The following LATS1 variants were observed in gnomAD, a reference collection of about 807,000 sequenced individuals.
LATS1 encodes the protein large tumor suppressor kinase 1.
LATS1 carries 25 observed loss-of-function variants against 106.6 expected under a neutral mutation model. That is an observed-to-expected ratio of 0.23 (90% CI 0.17 to 0.33). The LOEUF (loss-of-function observed/expected upper bound fraction) is 0.33, where lower values mean the gene tolerates loss of function less well. Among genes scored for constraint, LATS1 ranks in the 10% least tolerant of loss-of-function variants. The probability of loss-of-function intolerance (pLI) is 1.00; values close to 1 mark genes in which losing one functional copy is unlikely to be tolerated. For missense variants in LATS1, 1,040 were observed against 1,382.6 expected, an observed-to-expected ratio of 0.75 and a Z score of 3.93; for synonymous variants, 465 against 455.6, an observed-to-expected ratio of 1.02 and a Z score of -0.26.
chr6:149,716,723 G>A (rs898795684), intron 1 of LATS1, among the ~76,000 whole-genome samples: 3 of 152,196 alleles, frequency 2.0e-5, no homozygotes, highest in Non-Finnish European at 2.9e-5. Flanking sequence ...CATGGACCAT[G>A]ATCTAGTTTC....
At chr6:149,671,892 C>A (rs1394097751) in intron 7 of LATS1, among the ~76,000 whole-genome samples, 1 of 151,510 alleles carries the variant, frequency 6.6e-6, no homozygotes, top group African/African-American at 2.4e-5. Flanking sequence ...TCTATGATTT[C>A]TTTCTTTTTT....
rs1275577221 is a variant in LATS1, at chr6:149,678,162, TCCAAAAAAAAAAA to T, written c.2594-1438_2594-1426del. Among the ~76,000 whole-genome samples, 45 of 28,628 alleles carry T rather than the reference TCCAAAAAAAAAAA, an allele frequency of 1.6e-3. 2 individuals are homozygous for T. The highest frequency in any genetic ancestry group is 3.8e-3 in the South Asian group (3 of 782). 18.8% of individuals were successfully genotyped at this position (28,628 alleles called of 152,430 possible). ...GGTGAAACCTGGTCTCTACTAAAAA[TCCAAAAAAAAAAA>T]AAAAAAAAAAAAAAAAAAAATAGCC... On this transcript the variant is annotated intron_variant, in intron 5 of 7. Transcript: ENST00000543571.
intron 5 of LATS1, among the ~76,000 whole-genome samples, chr6:149,678,345 A>AAAACAAAC (rs10683825): frequency 1.7e-3 from 252 of 149,836 alleles, no homozygotes; most frequent in African/African-American, 4.9e-3. Context: ...CTCCGTCTCA[A>AAAACAAAC]AAACAAACAA....
chr6:149,710,777 G>A (rs994577479), intron 1 of LATS1, among the ~76,000 whole-genome samples: 5 of 152,184 alleles, frequency 3.3e-5, no homozygotes, highest in Admixed American at 3.3e-4. Flanking sequence ...ACCTTGTAGT[G>A]TTATAGGAGT....
chr6:149,662,046 A>G lies in LATS1; in HGVS notation c.3076T>C (p.Tyr1026His), dbSNP rs1452150800. Residue 1026 changes from tyrosine (Y) to histidine (H), a missense_variant, in exon 8 of 8, where the codon TAC becomes CAC. Transcript: ENST00000543571. ...GTTGGGTGTGTGATTTTAGGAATGT[A>G]TGAAGCAGACTGCTGTCTCAGGTCA... Reference protein sequence around the residue: ...SSDLRQQSASYIPKITHPTDT... With the variant: ...SSDLRQQSASHIPKITHPTDT... The G allele has an allele frequency of 1.2e-6, 2 of 1,614,194 alleles. No homozygotes were observed. The highest frequency in any genetic ancestry group is 2.2e-5 in the East Asian group (1 of 44,878).
rs1466744599 is a variant in LATS1 at position 149,683,562 on chromosome 6, C to T, written c.1527G>A (p.Gln509=). Reference sequence around the variant, plus strand: ...AAGGGTGTGTAGGTGCTAAAGCAGTCTGTAGCTCTGGTTTTAATACACGCA... The same window carrying T: ...AAGGGTGTGTAGGTGCTAAAGCAGTTTGTAGCTCTGGTTTTAATACACGCA... ...KSMRVLKPEL[Q]TALAPTHPSW... The change falls in exon 4 of 8, where the codon CAG becomes CAA. Residue 509 remains glutamine (Q), a synonymous_variant. Transcript: ENST00000543571. 1 of 1,614,238 alleles carries T rather than the reference C, an allele frequency of 6.2e-7. No homozygotes were observed. The highest frequency in any genetic ancestry group is 8.5e-7 in the Non-Finnish European group (1 of 1,180,046).
At chr6:149,664,019 TG>T (rs1404810208) in intron 7 of LATS1, among the ~76,000 whole-genome samples, 1 of 151,946 alleles carries the variant, frequency 6.6e-6, no homozygotes, top group African/African-American at 2.4e-5. Flanking sequence ...CATGTTGGCC[TG>T]GCTGGTTTCA....
chr6:149,674,920 T>C (rs1781633238), intron 7 of LATS1, among the ~76,000 whole-genome samples: 1 of 151,722 alleles, frequency 6.6e-6, no homozygotes, highest in South Asian at 2.1e-4. Flanking sequence ...AATAAAGTGC[T>C]GGGATTACAG....
intron 7 of LATS1, among the ~76,000 whole-genome samples, chr6:149,670,647 T>G (rs1781395545): frequency 6.6e-6 from 1 of 152,058 alleles, no homozygotes; most frequent in Non-Finnish European, 1.5e-5. Context: ...TGTTAGTGAT[T>G]CCCTGAGGGA....
chr6:149,672,732 G>A (rs1349524694), intron 7 of LATS1, among the ~76,000 whole-genome samples: 1 of 151,918 alleles, frequency 6.6e-6, no homozygotes, highest in African/African-American at 2.4e-5. Flanking sequence ...GACCACCTGA[G>A]GTCAGGAGTT....
intron 7 of LATS1, among the ~76,000 whole-genome samples, chr6:149,665,890 C>T (rs1272081315): frequency 1.3e-5 from 2 of 151,974 alleles, no homozygotes; most frequent in East Asian, 3.9e-4. Context: ...CGCTGTAATC[C>T]CAGCACTTTG....
At chr6:149,713,648 C>CT (rs905787139) in intron 1 of LATS1, among the ~76,000 whole-genome samples, 24 of 151,812 alleles carry the variant, frequency 1.6e-4, no homozygotes, top group Non-Finnish European at 5.9e-5. Context: ...AATGTTTTTT[C>CT]TTTTTTTCTG....
intron 3 of LATS1, among the ~76,000 whole-genome samples, chr6:149,692,206 CAG>C (rs1782800984): frequency 6.6e-6 from 1 of 152,180 alleles, no homozygotes; most frequent in Non-Finnish European, 1.5e-5. Context: ...AACAGTTCTG[CAG>C]AGTCAGGCCC....
chr6:149,661,646 G>C lies in LATS1; in HGVS notation c.*83C>G, dbSNP rs1780889676. 1 of 1,151,274 alleles carries C rather than the reference G, an allele frequency of 8.7e-7. No homozygotes were observed. The highest frequency in any genetic ancestry group is 1.2e-6 in the Non-Finnish European group (1 of 817,210). The allele number at this position is 1,151,274 out of a possible 1,614,324, so 71.3% of individuals were successfully genotyped here. A position where few individuals can be genotyped will look rare whatever the true frequency, so the allele number is the denominator to read the frequency against. On this transcript the variant is annotated 3_prime_UTR_variant, in exon 8 of 8. Coordinates refer to ENST00000543571, the MANE Select transcript of LATS1 (RefSeq NM_004690.4). Reference sequence around the variant, plus strand: ...ACACATATATAGCTCTGTCATATTTGCATAATTTTACTCTCAGAACCTCAA... The same window carrying C: ...ACACATATATAGCTCTGTCATATTTCCATAATTTTACTCTCAGAACCTCAA...
chr6:149,686,413 C>T (rs1271714459), intron 3 of LATS1, among the ~76,000 whole-genome samples: 2 of 152,062 alleles, frequency 1.3e-5, no homozygotes, highest in East Asian at 3.9e-4. Context: ...ATACAGTCAC[C>T]CCTGTTGTTC....
In LATS1 at chr6:149,702,223, G is replaced by A; in HGVS notation, c.-97C>T. ...AAAGTGAAAATGATCCTTCAAGGAA[G>A]TCCCCAGGACTGTTAAAATTCTTTA... On this transcript the variant is annotated 5_prime_UTR_variant, in exon 2 of 8. Coordinates refer to ENST00000543571, the MANE Select transcript of LATS1 (RefSeq NM_004690.4). 2 of 721,418 alleles carry A rather than the reference G, an allele frequency of 2.8e-6. No individual in the cohort carries two copies. Among genetic ancestry groups the A allele is most frequent in the South Asian group, 3.6e-5 (2 of 54,922 alleles). The allele number at this position is 721,418 out of a possible 1,614,324, so 44.7% of individuals were successfully genotyped here.
intron 7 of LATS1, among the ~76,000 whole-genome samples, chr6:149,669,402 G>C (rs1456809977): frequency 6.6e-6 from 1 of 151,916 alleles, no homozygotes; most frequent in Non-Finnish European, 1.5e-5. Context: ...CAAAGTGCTG[G>C]GATTACAGGT....
chr6:149,716,764 T>C (rs773902821), intron 1 of LATS1, among the ~76,000 whole-genome samples: 14 of 152,166 alleles, frequency 9.2e-5, no homozygotes, highest in Non-Finnish European at 1.6e-4. Flanking sequence ...ACTAACACAA[T>C]GCTACTTCTT....
intron 3 of LATS1, among the ~76,000 whole-genome samples, chr6:149,694,635 G>C (rs528623345): frequency 1.1e-4 from 17 of 152,130 alleles, no homozygotes; most frequent in African/African-American, 3.9e-4. Flanking sequence ...AACCTATTCT[G>C]GTTTCCCACA....
Sources: gnomAD v4.1 joint callset for allele counts (sites outside exome capture counted in the v4.1 genomes callset) on GRCh38, gnomAD v4.1.1 for gene constraint, MANE v1.5 for transcripts, NCBI Gene and HGNC (gene_info 2026-07-23, HGNC 2026-07-21) for gene names.